Variants in TAF4 observed in about 807,000 individuals in gnomAD.
TAF4 encodes the protein TATA-box binding protein associated factor 4.
In TAF4, 9 loss-of-function variants were observed where a neutral mutation model predicts 90.3. The observed-to-expected ratio is 0.10, with a 90% CI of 0.06 to 0.17. The LOEUF (loss-of-function observed/expected upper bound fraction) is 0.17. Ranked by LOEUF, TAF4 falls within the 10% of genes least tolerant of loss-of-function variation. The pLI is 1.00. For missense variants in TAF4, 1,351 were observed against 1,370.7 expected (o/e 0.99, Z 0.23); for synonymous variants, 818 against 638.9 (o/e 1.28, Z -4.23).
Position 62,007,468 on chromosome 20 carries a change from C to G in TAF4, c.1974+79G>C, listed in dbSNP as rs566848877. 3.6e-6 allele frequency: 5 copies of G among 1,401,420 alleles called. No individual in the cohort carries two copies. The Admixed American group carries it at 8.6e-5, about 24-fold the overall frequency. 86.8% of individuals were successfully genotyped at this position (1,401,420 alleles called of 1,614,324 possible). A position where few individuals can be genotyped will look rare whatever the true frequency, so the allele number is the denominator to read the frequency against. ...GCACCCTCCGTGCCTGGAGCATCCT[C>G]GCCCTGCACACTTGGTGCATCTGCG... On this transcript the variant is annotated intron_variant, in intron 6 of 14. Coordinates refer to ENST00000252996, the MANE Select transcript of TAF4 (RefSeq NM_003185.4).
chr20:62,030,193 G>A (rs1417262416), intron 1 of TAF4, among the ~76,000 whole-genome samples: 1 of 152,234 alleles, frequency 6.6e-6, no homozygotes, highest in Admixed American at 6.5e-5. Flanking sequence ...GGAATCACAG[G>A]CAGGGACGCC....
chr20:62,008,888 C>T, intron 5 of TAF4, 164 bp downstream of exon 5: 1 of 903,320 alleles, frequency 1.1e-6, no homozygotes, highest in Non-Finnish European at 1.6e-6. Context: ...AGCTAGGCCA[C>T]ACACGCCTTC....
intron 10 of TAF4, 112 bp downstream of exon 10, chr20:62,000,440 T>C: frequency 7.0e-7 from 1 of 1,434,804 alleles, no homozygotes. Flanking sequence ...CATGTGGAAA[T>C]CACAAACTCA....
chr20:62,021,409 G>T (rs2055842279), intron 1 of TAF4, among the ~76,000 whole-genome samples: 2 of 152,278 alleles, frequency 1.3e-5, no homozygotes, highest in South Asian at 4.1e-4. Flanking sequence ...CTGGCCACAG[G>T]GCAGTAAGCA....
At chr20:62,055,586 G>A (rs773537589) in intron 1 of TAF4, among the ~76,000 whole-genome samples, 2 of 152,132 alleles carry the variant, frequency 1.3e-5, no homozygotes, top group Admixed American at 6.5e-5. Flanking sequence ...ACTGTGTACA[G>A]GCAGCCCTAC....
At chr20:61,976,400 G>C (rs2055495086) in intron 14 of TAF4, 65 bp from the exon 15 acceptor site, 1 of 1,574,142 alleles carries the variant, frequency 6.4e-7, no homozygotes, top group Non-Finnish European at 8.7e-7. Flanking sequence ...CAATGAGCCT[G>C]TGTATCTGAG....
At position 62,006,746 on chromosome 20, in the gene TAF4, C is replaced by T. The variant is rs1222883196; in HGVS notation, c.1987G>A (p.Ala663Thr). 2 of 1,518,510 alleles carry T rather than the reference C, an allele frequency of 1.3e-6. No homozygotes were observed. Among genetic ancestry groups the T allele is most frequent in the East Asian group, 2.4e-5 (1 of 41,310 alleles). 94.1% of individuals were successfully genotyped at this position (1,518,510 alleles called of 1,614,324 possible). A position where few individuals can be genotyped will look rare whatever the true frequency, so the allele number is the denominator to read the frequency against. Residue 663 changes from alanine (A) to threonine (T), a missense_variant, in exon 7 of 15, where the codon GCC (alanine) becomes ACC (threonine). Around this residue, in one of 9 missense-constraint regions of TAF4, gnomAD observed 202 missense variants for 229.7 expected, o/e 0.88. Transcript: ENST00000252996. This position sits in a 1 kb window ranked among gnomAD's most constrained non-coding sequence, Gnocchi z 7.0. ...GAGTCGGGGGTCAGCTGTCTCAAGG[C>T]GGGTAAGCTCCTCTGGGTGGAAAGA... ...LVPFLKRSLP[A>T]LRQLTPDSAA...
chr20:62,036,800 G>A (rs1162320969), intron 1 of TAF4, among the ~76,000 whole-genome samples: 3 of 152,216 alleles, frequency 2.0e-5, no homozygotes, highest in Non-Finnish European at 4.4e-5. Context: ...TAGACTGAAT[G>A]CCATCACAAT....
In TAF4 at chr20:62,010,222, G is replaced by A. The variant is rs1396042065; in HGVS notation, c.1642-57C>T. ...ATCTCACGCCACCAGCTGACGAGGG[G>A]GAGACCAGCCTCACGCCCAGCAAAA... is the stretch of plus-strand genomic sequence containing the variant. On this transcript the variant is annotated intron_variant, in intron 3 of 14. Coordinates refer to ENST00000252996, the MANE Select transcript of TAF4 (RefSeq NM_003185.4). The surrounding 1 kb of genome is among the most constrained non-coding windows in gnomAD (Gnocchi z 4.5). The A allele has an allele frequency of 6.2e-7, 1 of 1,611,036 alleles. No homozygotes were observed. The highest frequency in any genetic ancestry group is 1.3e-5 in the African/African-American group (1 of 74,970).
At chr20:62,019,550 C>T (rs1455044517) in intron 1 of TAF4, among the ~76,000 whole-genome samples, 3 of 152,344 alleles carry the variant, frequency 2.0e-5, no homozygotes, top group Non-Finnish European at 2.9e-5. Context: ...CTGCTTGAGG[C>T]GGGCAATGCA....
chr20:62,048,195 G>A (rs980768701), intron 1 of TAF4, among the ~76,000 whole-genome samples: 1 of 152,210 alleles, frequency 6.6e-6, no homozygotes, highest in Admixed American at 6.5e-5. Context: ...AGGCTGGCGC[G>A]TGCCTGCCCA....
At chr20:62,053,900 C>A (rs900430857) in intron 1 of TAF4, among the ~76,000 whole-genome samples, 4 of 152,250 alleles carry the variant, frequency 2.6e-5, no homozygotes, top group African/African-American at 7.2e-5. Context: ...CCACTTGAAG[C>A]CCTTGCAGCC....
At chr20:61,987,624 G>T in intron 14 of TAF4, among the ~76,000 whole-genome samples, 1 of 152,240 alleles carries the variant, frequency 6.6e-6, no homozygotes, top group Non-Finnish European at 1.5e-5. Context: ...TGGCTGCTGG[G>T]AAGGCAACAT....
intron 2 of TAF4, among the ~76,000 whole-genome samples, chr20:62,014,168 T>C (rs1297536803): frequency 2.0e-5 from 3 of 152,044 alleles, no homozygotes; most frequent in Non-Finnish European, 4.4e-5. Flanking sequence ...GTGGCGGTCC[T>C]GCCAGTGGAG....
intron 7 of TAF4, among the ~76,000 whole-genome samples, chr20:62,004,082 G>A (rs2273989): frequency 0.46 from 69,330 of 151,840 alleles, 16,929 homozygotes; most frequent in Middle Eastern, 0.63. Context: ...AGGGCAGGAC[G>A]TGGGCGAGGG....
intron 9 of TAF4, among the ~76,000 whole-genome samples, chr20:62,001,595 G>C (rs927567539): frequency 6.6e-6 from 1 of 152,156 alleles, no homozygotes; most frequent in African/African-American, 2.4e-5. Context: ...GTGTCTCGGG[G>C]AAGAGCTCTA....
intron 1 of TAF4, among the ~76,000 whole-genome samples, chr20:62,048,392 A>C (rs901481591): frequency 8.5e-5 from 13 of 152,150 alleles, no homozygotes; most frequent in Non-Finnish European, 1.8e-4. Flanking sequence ...AACCACAGAC[A>C]GGGCCACCTG....
intron 3 of TAF4, chr20:62,012,042 G>A (rs925281619): frequency 3.9e-5 from 6 of 152,230 alleles, no homozygotes; most frequent in Non-Finnish European, 7.3e-5. Flanking sequence ...ACCCTTCTGG[G>A]ATCTGCAGGC....
chr20:62,002,189 C>T (rs2055709885), intron 9 of TAF4, among the ~76,000 whole-genome samples: 1 of 152,242 alleles, frequency 6.6e-6, no homozygotes, highest in African/African-American at 2.4e-5. Flanking sequence ...TCCCTTCTCA[C>T]TGAAGTATCA....
Sources: gnomAD v4.1 joint callset for allele counts (sites outside exome capture counted in the v4.1 genomes callset) on GRCh38, gnomAD v4.1.1 for gene constraint, gnomAD v4.1.1 regional missense constraint, Gnocchi (gnomAD v3.1) non-coding constraint, MANE v1.5 for transcripts, NCBI Gene and HGNC (gene_info 2026-07-23, HGNC 2026-07-21) for gene names.